AGAP1: variants seen among roughly 807,000 people sequenced by gnomAD.
The protein encoded by AGAP1 is ArfGAP with GTPase domain, ankyrin repeat and PH domain 1, also known as arf-GAP with GTPase, ANK repeat and PH domain-containing protein 1.
AGAP1 carries 29 observed loss-of-function variants against 105.3 expected under a neutral mutation model. The ratio of observed to expected loss-of-function variants is 0.28; its 90% CI spans 0.21 to 0.38. The LOEUF is 0.38. AGAP1 is among the 10% of genes least tolerant of loss of function. The probability of loss-of-function intolerance (pLI) is 1.00; values close to 1 mark genes in which losing one functional copy is unlikely to be tolerated. For missense variants in AGAP1, 998 were observed against 1,165.1 expected (o/e 0.86, Z 2.09); for synonymous variants, 509 against 485.9 (o/e 1.05, Z -0.63).
intron 1 of AGAP1, among the ~76,000 whole-genome samples, chr2:235,675,660 A>G (rs973109902): frequency 9.2e-5 from 14 of 152,168 alleles, no homozygotes; most frequent in African/African-American, 9.7e-5. Context: ...GAAACTCCTC[A>G]TTATTTTTGT....
chr2:235,653,622 A>G (rs563447482), intron 1 of AGAP1, among the ~76,000 whole-genome samples: 1 of 152,332 alleles, frequency 6.6e-6, no homozygotes, highest in Admixed American at 6.5e-5. Context: ...GAGCTATCCA[A>G]GACAGATTTT....
intron 16 of AGAP1, among the ~76,000 whole-genome samples, chr2:236,102,234 G>C (rs550215225): frequency 2.0e-5 from 3 of 152,052 alleles, no homozygotes; most frequent in Non-Finnish European, 4.4e-5. Context: ...TGGCTAACAC[G>C]GTGAAACCCT....
chr2:235,668,308 A>G (rs2149350458), intron 1 of AGAP1, among the ~76,000 whole-genome samples: 1 of 152,350 alleles, frequency 6.6e-6, no homozygotes, highest in South Asian at 2.1e-4. Context: ...ACTTCCTTCA[A>G]AAGAGAGCTT....
At position 236,092,035 on chromosome 2, in the gene AGAP1, G is replaced by A. The variant is rs915379238; in HGVS notation, c.2115-28157G>A. Among the ~76,000 whole-genome samples, 35 of 152,264 alleles carry A rather than the reference G, an allele frequency of 2.3e-4. 1 individual carries two copies. The highest frequency in any genetic ancestry group is 6.5e-4 in the African/African-American group (27 of 41,468). ...AGCCTGTCCCAAAAGATTACGTGCT[G>A]TAGGATTCCATTTATGTATCACTGT... On this transcript the variant is annotated intron_variant, in intron 16 of 17. Coordinates refer to ENST00000304032, the MANE Select transcript of AGAP1 (RefSeq NM_001037131.3). The surrounding 1 kb of genome is among the most constrained non-coding windows in gnomAD (Gnocchi z 4.7).
At position 235,883,536 on chromosome 2, in the gene AGAP1, C is replaced by G. The variant is rs755262532; in HGVS notation, c.1155+87C>G. 2 of 1,092,326 alleles carry G rather than the reference C, an allele frequency of 1.8e-6. No homozygotes were observed. The highest frequency in any genetic ancestry group is 2.7e-6 in the Non-Finnish European group (2 of 733,108). The allele number at this position is 1,092,326 out of a possible 1,614,324, so 67.7% of individuals were successfully genotyped here. A position where few individuals can be genotyped will look rare whatever the true frequency, so the allele number is the denominator to read the frequency against. ...GGGGAACCTACCAGCAGCCCAGCCT[C>G]TTGTCTCTGTTTGAAGTGAAAGTCG... On this transcript the variant is annotated intron_variant, in intron 10 of 17. Coordinates refer to ENST00000304032, the MANE Select transcript of AGAP1 (RefSeq NM_001037131.3). The surrounding 1 kb of genome is among the most constrained non-coding windows in gnomAD (Gnocchi z 4.5).
rs1307319417 is a variant in AGAP1 at position 236,114,801 on chromosome 2, G to A, written c.2115-5391G>A. On this transcript the variant is annotated intron_variant, in intron 16 of 17. Transcript: ENST00000304032. The surrounding 1 kb of genome is among the most constrained non-coding windows in gnomAD (Gnocchi z 5.0). Reference sequence around the variant, plus strand: ...ATTGAGGGTTAAAGCTTCAGCATGTGAATTTTATGGGATACGACTCAGCCT... The same window carrying A: ...ATTGAGGGTTAAAGCTTCAGCATGTAAATTTTATGGGATACGACTCAGCCT... Among the ~76,000 whole-genome samples, 2 of 152,176 alleles carry A rather than the reference G, an allele frequency of 1.3e-5. No homozygotes were observed. Among genetic ancestry groups the A allele is most frequent in the Non-Finnish European group, 2.9e-5 (2 of 68,032 alleles).
chr2:235,995,345 T>A (rs1433227580), intron 13 of AGAP1, among the ~76,000 whole-genome samples: 1 of 151,430 alleles, frequency 6.6e-6, no homozygotes, highest in Non-Finnish European at 1.5e-5. Context: ...TGAAACCTGT[T>A]TCTACTAAAA....
At chr2:235,746,377 C>CTTTTTCTTTTTTTT (rs1553620164) in intron 5 of AGAP1, among the ~76,000 whole-genome samples, 3 of 55,562 alleles carry the variant, frequency 5.4e-5, no homozygotes, top group Admixed American at 2.6e-4. Context: ...CCTCCCCCAA[C>CTTTTTCTTTTTTTT]TTTTTTTTTT....
In AGAP1 at chr2:235,945,570, C is replaced by A. The variant is rs116707298; in HGVS notation, c.1483+14647C>A. ...CTCTTTGCTAATTTTACAATAATAT[C>A]TTTGCATTTTCCCCTAATAAAAAAA... On this transcript the variant is annotated intron_variant, in intron 12 of 17. Coordinates refer to ENST00000304032, the MANE Select transcript of AGAP1 (RefSeq NM_001037131.3). Among the ~76,000 whole-genome samples, 519 of 134,002 alleles carry A rather than the reference C, an allele frequency of 3.9e-3. 2 individuals are homozygous for A. Among genetic ancestry groups the A allele is most frequent in the African/African-American group, 0.016 (496 of 31,782 alleles). 87.9% of individuals were successfully genotyped at this position (134,002 alleles called of 152,430 possible). A position where few individuals can be genotyped will look rare whatever the true frequency, so the allele number is the denominator to read the frequency against.
At chr2:235,772,124 A>T (rs896195627) in intron 6 of AGAP1, among the ~76,000 whole-genome samples, 3 of 151,358 alleles carry the variant, frequency 2.0e-5, no homozygotes, top group African/African-American at 7.3e-5. Flanking sequence ...CCTCCCAAGT[A>T]GCTGAGATTA....
chr2:235,978,641 T>C (rs1460988080), intron 13 of AGAP1, among the ~76,000 whole-genome samples: 2 of 152,234 alleles, frequency 1.3e-5, no homozygotes, highest in Non-Finnish European at 2.9e-5. Context: ...GCTTTGCATT[T>C]CATCTGTTAA....
Position 236,076,128 on chromosome 2 carries a change from G to C in AGAP1, c.2114+26847G>C, listed in dbSNP as rs924614106. On this transcript the variant is annotated intron_variant, in intron 16 of 17. Transcript: ENST00000304032. This position sits in a 1 kb window ranked among gnomAD's most constrained non-coding sequence, Gnocchi z 4.4. ...GATCTAGGAATTGAAAGTCAGATTG[G>C]TTTCACAAGAGAATATTGTGGAGTT... Among the ~76,000 whole-genome samples the C allele has an allele frequency of 6.6e-6, 1 of 152,314 alleles. No homozygotes were observed. Among genetic ancestry groups the C allele is most frequent in the Admixed American group, 6.5e-5 (1 of 15,300 alleles).
Position 235,866,706 on chromosome 2 carries a change from G to C in AGAP1, c.1051-16639G>C, listed in dbSNP as rs568904328. On this transcript the variant is annotated intron_variant, in intron 9 of 17. Transcript: ENST00000304032. This position sits in a 1 kb window ranked among gnomAD's most constrained non-coding sequence, Gnocchi z 6.1. ...CATTTATTGTCTCCCAATTCTGGAG[G>C]CTGGAAGTCTTGGATCAAGGCCTCA... 6.6e-6 allele frequency among the ~76,000 whole-genome samples: 1 copy of C among 152,174 alleles called. No homozygotes were observed. Among genetic ancestry groups the C allele is most frequent in the African/African-American group, 2.4e-5 (1 of 41,438 alleles).
chr2:235,752,239 G>A lies in AGAP1; in HGVS notation c.673+1751G>A, dbSNP rs763582430. Among the ~76,000 whole-genome samples the A allele has an allele frequency of 7.2e-5, 11 of 152,128 alleles. No individual in the cohort carries two copies. The highest frequency in any genetic ancestry group is 1.6e-4 in the Non-Finnish European group (11 of 68,020). On this transcript the variant is annotated intron_variant, in intron 6 of 17. Transcript: ENST00000304032. The surrounding 1 kb of genome is among the most constrained non-coding windows in gnomAD (Gnocchi z 4.3). Reference sequence around the variant, plus strand: ...TTTGCCCAGGCTGGAGTGCAATGGCGTGATGGCAGCTCACTGCAACCTCTG... The same window carrying A: ...TTTGCCCAGGCTGGAGTGCAATGGCATGATGGCAGCTCACTGCAACCTCTG...
rs1559424084 is a variant in AGAP1 at position 235,744,065 on chromosome 2, A to G, written c.397-633A>G. Among the ~76,000 whole-genome samples the G allele has an allele frequency of 6.6e-6, 1 of 152,242 alleles. No individual in the cohort carries two copies. The highest frequency in any genetic ancestry group is 2.1e-4 in the South Asian group (1 of 4,828). On this transcript the variant is annotated intron_variant, in intron 4 of 17. Transcript: ENST00000304032. The surrounding 1 kb of genome is among the most constrained non-coding windows in gnomAD (Gnocchi z 5.2). ...ACGGCAAAGCAAGAACAAAATGGCG[A>G]GAGTGAGGCTATTGTGAAGTTTTCT...
chr2:235,821,142 C>CTG (rs1958764133), intron 9 of AGAP1, among the ~76,000 whole-genome samples: 1 of 152,112 alleles, frequency 6.6e-6, no homozygotes, highest in African/African-American at 2.4e-5. Context: ...TATTAAAATT[C>CTG]TGGGAGCTAC....
intron 10 of AGAP1, among the ~76,000 whole-genome samples, chr2:235,890,942 C>CAAAAA (rs199864293): frequency 0.019 from 2,256 of 117,640 alleles, 72 homozygotes; most frequent in African/African-American, 0.073. Flanking sequence ...AACTGAGGCT[C>CAAAAA]AAAAAAAAAA....
At chr2:235,966,878 G>A (rs2054425107) in intron 12 of AGAP1, among the ~76,000 whole-genome samples, 1 of 152,124 alleles carries the variant, frequency 6.6e-6, no homozygotes, top group Non-Finnish European at 1.5e-5. Context: ...GGGTGTTCTT[G>A]GGACCGTATG....
chr2:235,930,877 C>T lies in AGAP1; in HGVS notation c.1437C>T (p.Asp479=). ...HQRSYSVSSA[D]QWSEATVIAN... is the part of the protein sequence containing the mutation. ...GCTCCTACTCAGTCTCCAGTGCCGA[C>T]CAGTGGAGTGAGGCTACGGTCATTG... The change falls in exon 12 of 18, where the codon GAC becomes GAT. Residue 479 remains aspartate, a synonymous_variant. Coordinates refer to ENST00000304032, the MANE Select transcript of AGAP1 (RefSeq NM_001037131.3). This position sits in a 1 kb window ranked among gnomAD's most constrained non-coding sequence, Gnocchi z 7.9. The T allele has an allele frequency of 6.2e-7, 1 of 1,614,166 alleles. No homozygotes were observed. Among genetic ancestry groups the T allele is most frequent in the South Asian group, 1.1e-5 (1 of 91,078 alleles).
Sources: allele counts gnomAD v4.1 joint callset (sites outside exome capture counted in the v4.1 genomes callset), GRCh38; gene constraint gnomAD v4.1.1; non-coding constraint Gnocchi (gnomAD v3.1); transcripts MANE v1.5; gene names NCBI Gene and HGNC (gene_info 2026-07-23, HGNC 2026-07-21).